LAMA3: variants seen among roughly 807,000 people sequenced by gnomAD.
LAMA3 encodes laminin subunit alpha 3.
LAMA3 carries 281 observed loss-of-function variants against 402.0 expected under a neutral mutation model. The ratio of observed to expected loss-of-function variants is 0.70; its 90% confidence interval spans 0.63 to 0.77. The LOEUF is 0.77. LAMA3 is among the 30% of genes least tolerant of loss of function. The pLI, the probability that LAMA3 is intolerant of heterozygous loss-of-function variation, is 0.00. For missense variants in LAMA3, 3,840 were observed against 4,215.5 expected (o/e 0.91, Z 2.47); for synonymous variants, 1,431 against 1,558.4 (o/e 0.92, Z 1.93).
intron 38 of LAMA3, 137 bp from the exon 39 acceptor site, chr18:23,876,157 C>G: frequency 1.5e-6 from 1 of 682,828 alleles, no homozygotes; most frequent in South Asian, 1.6e-5. Flanking sequence ...TCACTACACT[C>G]CAGCCTGGGC....
chr18:23,773,270 G>A (rs1166027414), intron 8 of LAMA3, among the ~76,000 whole-genome samples: 1 of 152,222 alleles, frequency 6.6e-6, no homozygotes, highest in Non-Finnish European at 1.5e-5. Flanking sequence ...TTGATGGAAT[G>A]TTTCCTTTCC....
In LAMA3 at chr18:23,920,992, A is replaced by C. The variant is rs1426609637; in HGVS notation, c.7981A>C (p.Asn2661His). 1 of 1,614,122 alleles carries C rather than the reference A, an allele frequency of 6.2e-7. No individual in the cohort carries two copies. The highest frequency in any genetic ancestry group is 8.5e-7 in the Non-Finnish European group (1 of 1,179,976). ...DGKLMVRYKL[N>H]SELPKERGVG... ...CAAGCTCATGGTGAGATACAAACTGAATTCAGAGCTACCAAAAGAGAGAGG... is the reference window on the plus strand; with the variant it reads ...CAAGCTCATGGTGAGATACAAACTGCATTCAGAGCTACCAAAAGAGAGAGG... Residue 2661 changes from asparagine (N) to histidine (H), a missense_variant, in exon 61 of 75, where the codon AAT (asparagine) becomes CAT (histidine). Physicochemically the swap from Asn to His is moderately conservative, Grantham distance 68 (BLOSUM62 1). This residue lies in a region of LAMA3 where 840 missense variants were observed against 981.9 expected (regional missense o/e 0.86). Coordinates refer to ENST00000313654, the MANE Select transcript of LAMA3 (RefSeq NM_198129.4).
chr18:23,698,191 CTCT>C (rs1232779575), intron 1 of LAMA3, among the ~76,000 whole-genome samples: 7 of 147,170 alleles, frequency 4.8e-5, no homozygotes, highest in East Asian at 2.0e-4. Flanking sequence ...CAGCCTGTTT[CTCT>C]TCTTCTTCTT....
At chr18:23,740,830 A>T (rs988850080) in intron 2 of LAMA3, among the ~76,000 whole-genome samples, 5 of 151,790 alleles carry the variant, frequency 3.3e-5, no homozygotes, top group Non-Finnish European at 7.4e-5. Flanking sequence ...GGACTTAGGG[A>T]CCTCTTGAGG....
chr18:23,842,859 T>C (rs2063735377), intron 29 of LAMA3, 109 bp downstream of exon 29: 26 of 1,405,282 alleles, frequency 1.9e-5, no homozygotes, highest in Non-Finnish European at 2.6e-5. Context: ...TGAAGTCATA[T>C]TTGTAGAAAA....
intron 31 of LAMA3, 45 bp downstream of exon 31, chr18:23,846,553 G>A: frequency 1.3e-6 from 2 of 1,538,216 alleles, no homozygotes; most frequent in Non-Finnish European, 1.8e-6. Flanking sequence ...CTGGTCCCGT[G>A]TGGATGATGC....
At chr18:23,867,552 CAAAA>C (rs60964764) in intron 36 of LAMA3, among the ~76,000 whole-genome samples, 2 of 96,358 alleles carry the variant, frequency 2.1e-5, no homozygotes, top group Admixed American at 1.1e-4. Context: ...CCATCCCTGC[CAAAA>C]AAAAAAAAAA....
At chr18:23,945,630 C>A (rs1024304892) in intron 69 of LAMA3, among the ~76,000 whole-genome samples, 1 of 152,102 alleles carries the variant, frequency 6.6e-6, no homozygotes, top group Non-Finnish European at 1.5e-5. Context: ...TCTCACCACA[C>A]CTATGAGATG....
chr18:23,892,903 CAA>C (rs34079963), intron 42 of LAMA3, among the ~76,000 whole-genome samples: 6 of 69,446 alleles, frequency 8.6e-5, no homozygotes, highest in Non-Finnish European at 1.0e-4. Flanking sequence ...AACTCTGTCT[CAA>C]AAAAAAAAAA....
intron 73 of LAMA3, 75 bp downstream of exon 73, chr18:23,951,852 G>A (rs923610956): frequency 1.7e-6 from 2 of 1,154,224 alleles, no homozygotes; most frequent in African/African-American, 1.5e-5. Flanking sequence ...CATCCCAAAG[G>A]CAGCCTCAGC....
intron 32 of LAMA3, among the ~76,000 whole-genome samples, chr18:23,855,820 GA>G (rs1220127956): frequency 1.3e-5 from 2 of 152,128 alleles, no homozygotes; most frequent in African/African-American, 4.8e-5. Context: ...CTTCCTTATG[GA>G]ATCATTTCTG....
chr18:23,757,296 G>GC (rs1236415846), intron 6 of LAMA3, among the ~76,000 whole-genome samples: 2 of 151,686 alleles, frequency 1.3e-5, no homozygotes, highest in Non-Finnish European at 1.5e-5. Flanking sequence ...ACCCCTTCAT[G>GC]CCCCCGGCTG....
intron 23 of LAMA3, among the ~76,000 whole-genome samples, chr18:23,830,934 C>G: frequency 6.6e-6 from 1 of 152,200 alleles, no homozygotes; most frequent in East Asian, 1.9e-4. Flanking sequence ...ACCTCAAACT[C>G]CATTTCGGTA....
intron 2 of LAMA3, among the ~76,000 whole-genome samples, chr18:23,730,357 T>C (rs2061371093): frequency 6.9e-6 from 1 of 145,112 alleles, no homozygotes; most frequent in Non-Finnish European, 1.5e-5. Flanking sequence ...AGTCTTTTTT[T>C]CTTTTTCTTT....
At chr18:23,835,611 C>T (rs2063566485) in intron 24 of LAMA3, among the ~76,000 whole-genome samples, 1 of 152,178 alleles carries the variant, frequency 6.6e-6, no homozygotes, top group Non-Finnish European at 1.5e-5. Context: ...TGTGTTTAAT[C>T]CCTCCAAGGA....
At chr18:23,696,010 G>T (rs911324058) in intron 1 of LAMA3, among the ~76,000 whole-genome samples, 5 of 151,878 alleles carry the variant, frequency 3.3e-5, no homozygotes, top group Non-Finnish European at 2.9e-5. Flanking sequence ...ACTAGTGAGG[G>T]CTCAGAGGGC....
chr18:23,944,111 C>T lies in LAMA3; in HGVS notation c.9210+140C>T, dbSNP rs2082624336. 7 of 816,652 alleles carry T rather than the reference C, an allele frequency of 8.6e-6. No individual in the cohort carries two copies. In the East Asian group the frequency reaches 1.9e-4, roughly 22 times the overall value. 50.6% of individuals were successfully genotyped at this position (816,652 alleles called of 1,614,324 possible). ...TTGTGTGCTTGCAGGCGCTGCGTTC[C>T]CAGCATCTCAGTACTGGAGGCCGCG... On this transcript the variant is annotated intron_variant, in intron 69 of 74. Transcript: ENST00000313654.
intron 7 of LAMA3, among the ~76,000 whole-genome samples, chr18:23,760,919 T>C (rs1568155565): frequency 6.6e-6 from 1 of 152,148 alleles, no homozygotes; most frequent in African/African-American, 2.4e-5. Flanking sequence ...TCTGGGCCTC[T>C]TTTATAAGGG....
At chr18:23,787,725 A>G (rs1157464333) in intron 12 of LAMA3, among the ~76,000 whole-genome samples, 1 of 152,194 alleles carries the variant, frequency 6.6e-6, no homozygotes, top group African/African-American at 2.4e-5. Flanking sequence ...CTATCCATCA[A>G]AATTACTATT....
Sources: allele counts gnomAD v4.1 joint callset (sites outside exome capture counted in the v4.1 genomes callset), GRCh38; gene constraint gnomAD v4.1.1; regional missense constraint gnomAD v4.1.1; transcripts MANE v1.5; gene names NCBI Gene and HGNC (gene_info 2026-07-23, HGNC 2026-07-21).